Variants in UNC79 observed in about 807,000 individuals in gnomAD.
The protein encoded by UNC79 is protein unc-79 homolog.
In UNC79, 37 loss-of-function variants were observed where a neutral mutation model predicts 283.1. The observed-to-expected ratio is 0.13, with a 90% CI of 0.10 to 0.17. UNC79 has a LOEUF of 0.17. Ranked by LOEUF, UNC79 falls within the 10% of genes least tolerant of loss-of-function variation. The pLI is 1.00. For synonymous variants in UNC79, 1,107 were observed against 1,200.2 expected (o/e 0.92, Z 1.61); for missense variants, 2,272 against 3,211.1 (o/e 0.71, Z 7.07).
At chr14:93,706,915 C>T (rs752426597), downstream of UNC79, 12 of 1,614,046 alleles carry the variant, frequency 7.4e-6, no homozygotes, top group East Asian at 4.5e-5. Context: ...GTGGACTCCT[C>T]GGCGCTCAGT....
At chr14:93,359,015 A>G (rs2054166264) in intron 1 of UNC79, among the ~76,000 whole-genome samples, 1 of 152,226 alleles carries the variant, frequency 6.6e-6, no homozygotes, top group Admixed American at 6.5e-5. Context: ...GAGAACAGGC[A>G]TGGGAATGGA....
intron 26 of UNC79, 92 bp from the exon 28 acceptor site, chr14:93,612,697 GACGCAGAA>G: frequency 6.8e-7 from 1 of 1,479,342 alleles, no homozygotes; most frequent in South Asian, 1.3e-5. Context: ...AAATTTTGTA[GACGCAGAA>G]ACAAGGGTGC....
chr14:93,460,732 G>A lies in UNC79; in HGVS notation c.23-6939G>A, dbSNP rs772108986. Among the ~76,000 whole-genome samples, 51 of 151,988 alleles carry A rather than the reference G, an allele frequency of 3.4e-4. 1 individual carries two copies. The highest frequency in any genetic ancestry group is 7.9e-4 in the Admixed American group (12 of 15,256). ...TTATTCTAAGGAAATAATTAAAGAT[G>A]TGTGCACATCTGGTCACACGTGGCA... On this transcript the variant is annotated intron_variant, in intron 1 of 48. Transcript: ENST00000555664.
chr14:93,706,591 A>C, intron 48 of UNC79, 113 bp from the exon 52 acceptor site: 1 of 1,239,864 alleles, frequency 8.1e-7, no homozygotes, highest in Non-Finnish European at 1.1e-6. Context: ...TCTTCAGGCC[A>C]GACAACCCTT....
intron 1 of UNC79, among the ~76,000 whole-genome samples, chr14:93,411,358 G>C (rs932619956): frequency 1.3e-5 from 2 of 152,218 alleles, no homozygotes; most frequent in African/African-American, 4.8e-5. Context: ...ACCCACCCAG[G>C]ACCTGGGGGA....
intron 20 of UNC79, 35 bp downstream of exon 20, chr14:93,582,379 G>T: frequency 6.2e-7 from 1 of 1,607,194 alleles, no homozygotes; most frequent in Non-Finnish European, 8.5e-7. Flanking sequence ...AATGCGCCAC[G>T]TGCACATGGC....
At chr14:93,546,248 G>C (rs922072408) in intron 14 of UNC79, among the ~76,000 whole-genome samples, 1 of 152,112 alleles carries the variant, frequency 6.6e-6, no homozygotes, top group South Asian at 2.1e-4. Context: ...TCTTTAGAAA[G>C]GCATTTGAAT....
intron 41 of UNC79, among the ~76,000 whole-genome samples, chr14:93,677,454 T>C (rs2073439923): frequency 1.3e-5 from 2 of 152,144 alleles, no homozygotes; most frequent in Non-Finnish European, 2.9e-5. Context: ...GGAACTCCCA[T>C]TTATAAAACC....
chr14:93,390,526 A>G (rs920721817), intron 1 of UNC79, among the ~76,000 whole-genome samples: 1 of 152,168 alleles, frequency 6.6e-6, no homozygotes, highest in African/African-American at 2.4e-5. Context: ...ATAAACTGTC[A>G]CTATTTGCTG....
At chr14:93,631,014 T>A in intron 31 of UNC79, 106 bp downstream of exon 33, 1 of 1,044,320 alleles carries the variant, frequency 9.6e-7, no homozygotes, top group Non-Finnish European at 1.4e-6. Context: ...TATATTTTAA[T>A]GTTGCATCAG....
At chr14:93,475,844 A>G (rs911452534) in intron 3 of UNC79, among the ~76,000 whole-genome samples, 1 of 152,172 alleles carries the variant, frequency 6.6e-6, no homozygotes, top group African/African-American at 2.4e-5. Context: ...TGACGATTTC[A>G]GGGGAGATGA....
At chr14:93,579,639 G>C (rs961764872) in intron 18 of UNC79, among the ~76,000 whole-genome samples, 2 of 152,198 alleles carry the variant, frequency 1.3e-5, no homozygotes, top group African/African-American at 4.8e-5. Flanking sequence ...GCTGGCTCCT[G>C]TGTTCTTTTG....
In UNC79 at chr14:93,567,415, T is replaced by C. The variant is rs940072091; in HGVS notation, c.1756-4479T>C. On this transcript the variant is annotated intron_variant, in intron 14 of 48. Coordinates refer to ENST00000555664, the Ensembl canonical transcript of UNC79. ...CAATTTTTTGTATTTTTAGTAGTGATGGGGTTTCCCCATGTTGGGCAGGCT... is the reference window on the plus strand; with the variant it reads ...CAATTTTTTGTATTTTTAGTAGTGACGGGGTTTCCCCATGTTGGGCAGGCT... Among the ~76,000 whole-genome samples, 8 of 152,142 alleles carry C rather than the reference T, an allele frequency of 5.3e-5. No individual in the cohort carries two copies. In the East Asian group the frequency reaches 7.8e-4, roughly 15 times the overall value.
At chr14:93,586,160 C>T (rs1196394748) in intron 20 of UNC79, among the ~76,000 whole-genome samples, 1 of 152,200 alleles carries the variant, frequency 6.6e-6, no homozygotes, top group Non-Finnish European at 1.5e-5. Context: ...GGATTACAGG[C>T]ATGAGCCACC....
chr14:93,462,105 G>A (rs1403090001), intron 1 of UNC79, among the ~76,000 whole-genome samples: 6 of 152,142 alleles, frequency 3.9e-5, no homozygotes, highest in African/African-American at 1.2e-4. Flanking sequence ...CCAGGAGTTC[G>A]AGAACAGCCT....
chr14:93,593,674 C>A lies in UNC79; in HGVS notation c.3033-6C>A. On this transcript the variant is annotated splice_region_variant and splice_polypyrimidine_tract_variant and intron_variant, in intron 22 of 48. Coordinates refer to ENST00000555664, the Ensembl canonical transcript of UNC79. ...GTCACCACTTTGCTTCTCCTTGATT[C>A]CCTAGCCTGTGGAGGGTCGTCAAAT... 1 of 1,608,812 alleles carries A rather than the reference C, an allele frequency of 6.2e-7. No individual in the cohort carries two copies. The highest frequency in any genetic ancestry group is 8.5e-7 in the Non-Finnish European group (1 of 1,178,026).
exon 4 of UNC79, chr14:93,477,678 A>C (rs2057880642): frequency 6.2e-7 from 1 of 1,613,432 alleles, no homozygotes. Flanking sequence ...CCATTTCTGC[A>C]CAAGGATATC....
At chr14:93,594,639 A>G (rs1282935718) in intron 23 of UNC79, among the ~76,000 whole-genome samples, 1 of 152,174 alleles carries the variant, frequency 6.6e-6, no homozygotes, top group East Asian at 1.9e-4. Context: ...GGGATCAGGG[A>G]CCAAGTCTGG....
chr14:93,601,025 A>G (rs1246988842), intron 25 of UNC79, among the ~76,000 whole-genome samples: 1 of 152,178 alleles, frequency 6.6e-6, no homozygotes, highest in Non-Finnish European at 1.5e-5. Context: ...TTCCCTAAAT[A>G]TGATTCAGTC....
Sources: allele counts gnomAD v4.1 joint callset (sites outside exome capture counted in the v4.1 genomes callset), GRCh38; gene constraint gnomAD v4.1.1; transcripts MANE v1.5; gene names NCBI Gene and HGNC (gene_info 2026-07-23, HGNC 2026-07-21).